Variants in CEP126 observed in about 807,000 individuals in gnomAD.
The protein encoded by CEP126 is centrosomal protein of 126 kDa.
Under a neutral mutation model 107.8 loss-of-function variants are expected in CEP126, and 74 were observed. That is an observed-to-expected ratio of 0.69 (90% CI 0.57 to 0.83). The LOEUF (loss-of-function observed/expected upper bound fraction) is 0.83, where lower values mean the gene tolerates loss of function less well. Among genes scored for constraint, CEP126 ranks in the 40% least tolerant of loss-of-function variants. The probability of loss-of-function intolerance (pLI) is 0.00; values close to 1 mark genes in which losing one functional copy is unlikely to be tolerated. For missense variants in CEP126, 1,237 were observed against 1,281.9 expected, an observed-to-expected ratio of 0.96 and a Z score of 0.53; for synonymous variants, 449 against 446.0, an observed-to-expected ratio of 1.01 and a Z score of -0.08.
intron 2 of CEP126, among the ~76,000 whole-genome samples, chr11:101,931,860 G>A (rs1010202288): frequency 6.6e-6 from 1 of 152,128 alleles, no homozygotes; most frequent in African/African-American, 2.4e-5. Context: ...TCCAACAGAG[G>A]AAAATGATAC....
chr11:101,962,697 C>T lies in CEP126; in HGVS notation c.1662C>T (p.Asp554=), dbSNP rs754097422. The change falls in exon 6 of 11, where the codon GAC becomes GAT. Residue 554 remains aspartate (D), a synonymous_variant. Transcript: ENST00000263468. ...SSLSNVTSNY[D]FVGQHKKMKY... ...TGTCTAATGTAACTTCTAATTATGA[C>T]TTTGTTGGCCAGCATAAGAAAATGA... 4 of 1,612,942 alleles carry T rather than the reference C, an allele frequency of 2.5e-6. No individual in the cohort carries two copies. Among genetic ancestry groups the T allele is most frequent in the South Asian group, 1.1e-5 (1 of 90,696 alleles).
Position 101,962,344 on chromosome 11 carries a change from C to A in CEP126, c.1309C>A (p.Gln437Lys). 2.5e-6 allele frequency: 4 copies of A among 1,613,494 alleles called. No homozygotes were observed. The highest frequency in any genetic ancestry group is 3.4e-6 in the Non-Finnish European group (4 of 1,179,734). Residue 437 changes from glutamine (Q) to lysine (K), a missense_variant, in exon 6 of 11, where the codon CAA becomes AAA. Transcript: ENST00000263468. ...LTQEVATFPD[Q>K]EKYSELNQEN... ...CCAGGAAGTGGCTACATTTCCAGAC[C>A]AAGAGAAATATTCTGAATTAAATCA...
chr11:101,959,660 T>G (rs1013026906), intron 5 of CEP126, among the ~76,000 whole-genome samples: 1 of 152,216 alleles, frequency 6.6e-6, no homozygotes, highest in African/African-American at 2.4e-5. Context: ...TTACAAATAT[T>G]TTCAAGGAAT....
intron 6 of CEP126, among the ~76,000 whole-genome samples, chr11:101,976,345 T>G (rs1941192085): frequency 1.3e-5 from 2 of 152,184 alleles, no homozygotes; most frequent in Admixed American, 1.3e-4. Context: ...GTTGAGTATT[T>G]TTTCATCTTA....
intron 4 of CEP126, 75 bp from the exon 5 acceptor site, chr11:101,958,093 G>A: frequency 8.2e-7 from 1 of 1,212,338 alleles, no homozygotes; most frequent in Admixed American, 2.0e-5. Flanking sequence ...TACACCTAAT[G>A]TGTCATGTAT....
intron 10 of CEP126, among the ~76,000 whole-genome samples, chr11:101,996,223 T>C (rs921706637): frequency 2.6e-5 from 4 of 152,170 alleles, no homozygotes; most frequent in Admixed American, 1.3e-4. Context: ...CATTCGGCAG[T>C]TTCCATAGAT....
At chr11:101,936,217 G>T (rs1940576610) in intron 2 of CEP126, among the ~76,000 whole-genome samples, 1 of 151,564 alleles carries the variant, frequency 6.6e-6, no homozygotes, top group African/African-American at 2.4e-5. Context: ...TTTGGTTTGG[G>T]TTTTTTTGGT....
intron 2 of CEP126, among the ~76,000 whole-genome samples, chr11:101,923,962 A>G (rs1940370161): frequency 6.6e-6 from 1 of 152,196 alleles, no homozygotes; most frequent in Non-Finnish European, 1.5e-5. Flanking sequence ...TCAGTGTCTG[A>G]CACATAGGAC....
At position 101,999,588 on chromosome 11, in the gene CEP126, A is replaced by T. The variant is rs1248933061; in HGVS notation, c.*1945A>T. 6.6e-6 allele frequency: 1 copy of T among 152,104 alleles called. No individual in the cohort carries two copies. The highest frequency in any genetic ancestry group is 1.9e-4 in the East Asian group (1 of 5,184). 9.4% of individuals were successfully genotyped at this position (152,104 alleles called of 1,614,324 possible). A position where few individuals can be genotyped will look rare whatever the true frequency, so the allele number is the denominator to read the frequency against. ...ACATTATGATATTGTCCTTTTATGA[A>T]ACTGTCATATGACCAGAATTCTTCT... On this transcript the variant is annotated 3_prime_UTR_variant, in exon 11 of 11. Coordinates refer to ENST00000263468, the MANE Select transcript of CEP126 (RefSeq NM_020802.4).
chr11:101,988,824 G>A (rs1039290322), intron 9 of CEP126, among the ~76,000 whole-genome samples: 6 of 151,880 alleles, frequency 4.0e-5, no homozygotes, highest in Admixed American at 1.3e-4. Flanking sequence ...CTTATGATGA[G>A]CAAAGTCTTA....
chr11:101,948,929 T>C (rs1364959327), intron 4 of CEP126, among the ~76,000 whole-genome samples: 1 of 152,230 alleles, frequency 6.6e-6, no homozygotes, highest in South Asian at 2.1e-4. Context: ...CATAATGTTA[T>C]TCCATTTTTA....
chr11:101,993,865 G>A (rs1032885141), intron 10 of CEP126, among the ~76,000 whole-genome samples: 5 of 152,134 alleles, frequency 3.3e-5, no homozygotes, highest in African/African-American at 1.2e-4. Context: ...TTTGAAAAAT[G>A]TCTGTTCATG....
chr11:101,935,360 C>T (rs1940561393), intron 2 of CEP126, among the ~76,000 whole-genome samples: 3 of 151,946 alleles, frequency 2.0e-5, no homozygotes, highest in Non-Finnish European at 4.4e-5. Flanking sequence ...ATTGTGATGA[C>T]GTACAATTAT....
At chr11:101,968,396 G>C (rs907808144) in intron 6 of CEP126, among the ~76,000 whole-genome samples, 1 of 152,092 alleles carries the variant, frequency 6.6e-6, no homozygotes, top group African/African-American at 2.4e-5. Context: ...AGTGAAATAA[G>C]AGATGCTTGG....
At chr11:101,967,580 G>T (rs963528560) in intron 6 of CEP126, among the ~76,000 whole-genome samples, 2 of 151,968 alleles carry the variant, frequency 1.3e-5, no homozygotes, top group African/African-American at 4.8e-5. Flanking sequence ...TCTTTCCTTA[G>T]AAATAATTAT....
intron 1 of CEP126, 63 bp downstream of exon 1, chr11:101,915,475 A>T: frequency 6.4e-7 from 1 of 1,557,330 alleles, no homozygotes; most frequent in South Asian, 1.2e-5. Flanking sequence ...ATCTTTTTCC[A>T]ATTAGATTCC....
At chr11:101,991,955 T>C (rs1258859457) in intron 9 of CEP126, among the ~76,000 whole-genome samples, 1 of 152,090 alleles carries the variant, frequency 6.6e-6, no homozygotes, top group Non-Finnish European at 1.5e-5. Flanking sequence ...GTGTAGTGGG[T>C]TAGTTACCTC....
At chr11:101,974,309 C>T (rs1941168185) in intron 6 of CEP126, among the ~76,000 whole-genome samples, 1 of 151,944 alleles carries the variant, frequency 6.6e-6, no homozygotes, top group African/African-American at 2.4e-5. Context: ...TGGGATTCCC[C>T]GGGGCTATGA....
At chr11:101,992,599 C>G (rs1378812664) in intron 9 of CEP126, among the ~76,000 whole-genome samples, 179 bp from the exon 10 acceptor site, 1 of 152,070 alleles carries the variant, frequency 6.6e-6, no homozygotes, top group African/African-American at 2.4e-5. Flanking sequence ...AATCAAATTA[C>G]TTCCACTTTT....
Sources: allele counts gnomAD v4.1 joint callset (sites outside exome capture counted in the v4.1 genomes callset), GRCh38; gene constraint gnomAD v4.1.1; transcripts MANE v1.5; gene names NCBI Gene and HGNC (gene_info 2026-07-23, HGNC 2026-07-21).